The following PICALM variants were observed in gnomAD, a reference collection of about 807,000 sequenced individuals.
The protein encoded by PICALM is phosphatidylinositol-binding clathrin assembly protein.
A neutral mutation model predicts 80.5 loss-of-function variants in PICALM; 40 were observed. That is an observed-to-expected ratio of 0.50 (90% CI 0.39 to 0.65). The LOEUF (loss-of-function observed/expected upper bound fraction) is 0.65. PICALM is among the 30% of genes least tolerant of loss of function. The pLI is 0.00. For synonymous variants in PICALM, 288 were observed against 260.3 expected (o/e 1.11, Z -1.02); for missense variants, 676 against 778.9 (o/e 0.87, Z 1.57).
intron 17 of PICALM, 73 bp from the exon 18 acceptor site, chr11:85,976,755 G>A (rs1037626489): frequency 3.7e-5 from 31 of 844,180 alleles, no homozygotes; most frequent in Non-Finnish European, 5.7e-5. Flanking sequence ...GGAATTAGTA[G>A]CTGTAGTTCC....
chr11:85,958,058 AG>A lies in PICALM; in HGVS notation c.*987del. 1 of 220,314 alleles carries A rather than the reference AG, an allele frequency of 4.5e-6. No individual in the cohort carries two copies. Among genetic ancestry groups the A allele is most frequent in the African/African-American group, 2.2e-5 (1 of 44,462 alleles). The allele number at this position is 220,314 out of a possible 1,614,324, so 13.6% of individuals were successfully genotyped here. ...CCCTTGTAACACCTTCTAGAGTTTT[AG>A]TGAAAAGAAGGAAAGTCTTGAAGTG... is the stretch of plus-strand genomic sequence containing the variant. On this transcript the variant is annotated 3_prime_UTR_variant, in exon 20 of 20. Transcript: ENST00000393346.
At chr11:86,050,049 AC>A (rs2096154299) in intron 1 of PICALM, among the ~76,000 whole-genome samples, 1 of 151,608 alleles carries the variant, frequency 6.6e-6, no homozygotes, top group African/African-American at 2.4e-5. Flanking sequence ...AAAATAAAAT[AC>A]AAAAATTAGC....
chr11:85,962,417 G>C (rs2093719033), intron 19 of PICALM, among the ~76,000 whole-genome samples: 1 of 152,158 alleles, frequency 6.6e-6, no homozygotes, highest in South Asian at 2.1e-4. Context: ...TCTAAAATCA[G>C]AAGTTTCCTA....
chr11:85,974,870 G>T, intron 18 of PICALM, 58 bp from the exon 19 acceptor site: 1 of 1,168,814 alleles, frequency 8.6e-7, no homozygotes, highest in Non-Finnish European at 1.3e-6. Flanking sequence ...TTGTGACTAA[G>T]TAAATAACAA....
chr11:85,968,947 A>AACAC lies in PICALM; in HGVS notation c.1944+5757_1944+5760dup, dbSNP rs57641869. On this transcript the variant is annotated intron_variant, in intron 19 of 19. Transcript: ENST00000393346. ...TCTAAAAAATACAGAAAAATGACTC[A>AACAC]ACACACACACACACACACACACACA... 7.0e-3 allele frequency among the ~76,000 whole-genome samples: 1,004 copies of AACAC among 144,064 alleles called. 8 individuals are homozygous for AACAC. The highest frequency in any genetic ancestry group is 0.011 in the Middle Eastern group (3 of 280). The allele number at this position is 144,064 out of a possible 152,430, so 94.5% of individuals were successfully genotyped here.
chr11:85,995,296 T>C lies in PICALM; in HGVS notation c.1258+1530A>G, dbSNP rs568722689. Among the ~76,000 whole-genome samples the C allele has an allele frequency of 5.9e-5, 9 of 152,186 alleles. No individual in the cohort carries two copies. The South Asian group carries it at 1.9e-3, about 32-fold the overall frequency. Reference sequence around the variant, plus strand: ...TACAGAAACAGCATACAAAGCAAAATAACCGAAAATAGAAAAGTAAAACAT... The same window carrying C: ...TACAGAAACAGCATACAAAGCAAAACAACCGAAAATAGAAAAGTAAAACAT... On this transcript the variant is annotated intron_variant, in intron 12 of 19. Transcript: ENST00000393346.
Position 86,014,909 on chromosome 11 carries a change from T to C in PICALM, c.507A>G (p.Pro169=). 1 of 1,592,628 alleles carries C rather than the reference T, an allele frequency of 6.3e-7. No homozygotes were observed. The highest frequency in any genetic ancestry group is 8.6e-7 in the Non-Finnish European group (1 of 1,165,760). ...MNTEKLLKTV[P]IIQNQMDALL... ...GTGCATCCATCTGATTCTGAATAAT[T>C]GGTACAGTTTTTAGGAGTTTTTCTG... The change falls in exon 5 of 20, where the codon CCA becomes CCG. Residue 169 remains proline (P), a synonymous_variant. Coordinates refer to ENST00000393346, the MANE Select transcript of PICALM (RefSeq NM_007166.4).
chr11:86,048,773 G>C (rs757250505), intron 1 of PICALM, among the ~76,000 whole-genome samples: 1 of 149,954 alleles, frequency 6.7e-6, no homozygotes, highest in African/African-American at 2.5e-5. Flanking sequence ...CAGAGGTTGC[G>C]GTGAGCCAAG....
chr11:85,972,212 T>C (rs1232788563), intron 19 of PICALM, among the ~76,000 whole-genome samples: 2 of 152,254 alleles, frequency 1.3e-5, no homozygotes, highest in African/African-American at 4.8e-5. Context: ...GAATATTCTT[T>C]ACAACTATAG....
intron 1 of PICALM, among the ~76,000 whole-genome samples, chr11:86,067,601 C>CT (rs1490821437): frequency 6.6e-6 from 1 of 152,202 alleles, no homozygotes; most frequent in Non-Finnish European, 1.5e-5. Flanking sequence ...CAAAAGGTAA[C>CT]TGGCATAATT....
chr11:86,069,114 G>A (rs2137979054), upstream of PICALM: 1 of 277,478 alleles, frequency 3.6e-6, no homozygotes, highest in East Asian at 5.8e-5. Flanking sequence ...GAGCTTTCCG[G>A]GCTGCCCCGG....
chr11:86,050,864 T>C (rs55791429), intron 1 of PICALM, among the ~76,000 whole-genome samples: 23,970 of 152,124 alleles, frequency 0.16, 2,437 homozygotes, highest in Middle Eastern at 0.24. Flanking sequence ...ATTGTTATTA[T>C]TTTTTATGTG....
At chr11:86,011,163 T>C (rs1423844363) in intron 6 of PICALM, 27 bp from the exon 7 acceptor site, 2 of 1,006,962 alleles carry the variant, frequency 2.0e-6, no homozygotes, top group Non-Finnish European at 3.0e-6. Context: ...AAAAATTCTT[T>C]TGTTCACATC....
At position 85,976,652 on chromosome 11, in the gene PICALM, T is replaced by G; in HGVS notation, c.1810A>C (p.Thr604Pro). 3 of 1,604,950 alleles carry G rather than the reference T, an allele frequency of 1.9e-6. No homozygotes were observed. Among genetic ancestry groups the G allele is most frequent in the Non-Finnish European group, 2.6e-6 (3 of 1,171,802 alleles). ...CCATATCCTATCATGCCTGTTGGTG[T>G]AGTAGCAGGATAGGCCATTACAGGG... ...APPVMAYPATTPTGMIGYGIP... is the reference protein window; with the variant it reads ...APPVMAYPATPPTGMIGYGIP... The change falls in exon 18 of 20, where the codon ACA becomes CCA. Residue 604 changes from threonine (T) to proline (P), a missense_variant. Around this residue, in one of 2 missense-constraint regions of PICALM, gnomAD observed 391 missense variants for 383.6 expected, o/e 1.02. Coordinates refer to ENST00000393346, the MANE Select transcript of PICALM (RefSeq NM_007166.4).
At chr11:85,959,236 A>G (rs113335101) in intron 19 of PICALM, among the ~76,000 whole-genome samples, 176 bp from the exon 20 acceptor site, 1 of 152,208 alleles carries the variant, frequency 6.6e-6, no homozygotes, top group African/African-American at 2.4e-5. Flanking sequence ...AGAAAGCTCA[A>G]TATTTGACAC....
intron 17 of PICALM, among the ~76,000 whole-genome samples, chr11:85,977,876 G>A (rs898673018): frequency 3.3e-5 from 5 of 152,074 alleles, no homozygotes; most frequent in African/African-American, 1.2e-4. Context: ...AAAAAAAATC[G>A]GTATTTCCCA....
chr11:86,044,748 C>G (rs2096039603), intron 1 of PICALM, among the ~76,000 whole-genome samples: 1 of 152,198 alleles, frequency 6.6e-6, no homozygotes, highest in Non-Finnish European at 1.5e-5. Flanking sequence ...TGCCTCCTAT[C>G]AGATCAGCAG....
Position 85,981,142 on chromosome 11 carries a change from T to G in PICALM, c.1766A>C (p.Asn589Thr), listed in dbSNP as rs1592508144. The G allele has an allele frequency of 1.9e-6, 3 of 1,579,936 alleles. No homozygotes were observed. In the African/African-American group the frequency reaches 4.0e-5, roughly 21 times the overall value. ...TTTTCAACTCACCATTGTTGCAGCA[T>G]TCCAAGCGGTTGTTGGTGCAACCTT... is the stretch of plus-strand genomic sequence containing the variant. The part of the protein sequence containing the change: ...QPKVAPTTAW[N>T]AATMAPPVMA... The change falls in exon 17 of 20, where the codon AAT becomes ACT. Residue 589 changes from asparagine to threonine, a missense_variant. Asn to Thr is a moderately conservative substitution (Grantham distance 65, BLOSUM62 0). Transcript: ENST00000393346.
intron 4 of PICALM, among the ~76,000 whole-genome samples, chr11:86,015,546 T>G (rs1314130195): frequency 6.6e-6 from 1 of 152,192 alleles, no homozygotes; most frequent in Non-Finnish European, 1.5e-5. Flanking sequence ...AAGAGATACT[T>G]TCAATGGACA....
Sources: allele counts gnomAD v4.1 joint callset (sites outside exome capture counted in the v4.1 genomes callset), GRCh38; gene constraint gnomAD v4.1.1; regional missense constraint gnomAD v4.1.1; transcripts MANE v1.5; gene names NCBI Gene and HGNC (gene_info 2026-07-23, HGNC 2026-07-21).